The following EYS variants were observed in gnomAD, a reference collection of about 807,000 sequenced individuals.
EYS encodes the protein EGF-like photoreceptor maintenance factor, also known as protein eyes shut homolog.
EYS carries 250 observed loss-of-function variants against 282.1 expected under a neutral mutation model. That is an observed-to-expected ratio of 0.89 (90% CI 0.80 to 0.98). The LOEUF is 0.98. Among genes scored for constraint, EYS ranks in the 50% least tolerant of loss-of-function variants. The pLI, the probability that EYS is intolerant of heterozygous loss-of-function variation, is 0.00. For missense variants in EYS, 4,016 were observed against 3,709.0 expected, an observed-to-expected ratio of 1.08 and a Z score of -2.15; for synonymous variants, 1,355 against 1,282.9, an observed-to-expected ratio of 1.06 and a Z score of -1.20.
chr6:63,840,752 A>G (rs1287529229), intron 36 of EYS, among the ~76,000 whole-genome samples: 1 of 152,088 alleles, frequency 6.6e-6, no homozygotes, highest in Non-Finnish European at 1.5e-5. Flanking sequence ...ATTTTTCTAC[A>G]TAGGGATATC....
At chr6:64,523,163 G>T (rs1777811201) in intron 26 of EYS, among the ~76,000 whole-genome samples, 1 of 151,566 alleles carries the variant, frequency 6.6e-6, no homozygotes, top group Admixed American at 6.6e-5. Context: ...GCTACTCATG[G>T]TTTTAGTCTT....
chr6:65,232,276 A>C (rs1766802301), intron 12 of EYS, among the ~76,000 whole-genome samples: 1 of 152,026 alleles, frequency 6.6e-6, no homozygotes, highest in Admixed American at 6.6e-5. Flanking sequence ...TCCTTACTAC[A>C]TGACTACAGA....
At chr6:64,994,763 T>C (rs971746966) in intron 14 of EYS, among the ~76,000 whole-genome samples, 1 of 152,172 alleles carries the variant, frequency 6.6e-6, no homozygotes, top group African/African-American at 2.4e-5. Flanking sequence ...TTATATGACT[T>C]AGTATCTTTG....
At chr6:65,087,517 A>G in intron 12 of EYS, among the ~76,000 whole-genome samples, 1 of 152,012 alleles carries the variant, frequency 6.6e-6, no homozygotes, top group East Asian at 1.9e-4. Context: ...CCTTCTTCTC[A>G]TTCTTTTCAC....
chr6:64,586,874 T>G (rs1766250611), intron 26 of EYS, among the ~76,000 whole-genome samples: 1 of 152,124 alleles, frequency 6.6e-6, no homozygotes, highest in Admixed American at 6.6e-5. Context: ...TGCTCTTTCT[T>G]ATATCCTTCC....
At chr6:64,880,419 C>T (rs1766877160) in intron 19 of EYS, among the ~76,000 whole-genome samples, 1 of 151,720 alleles carries the variant, frequency 6.6e-6, no homozygotes, top group Non-Finnish European at 1.5e-5. Context: ...TATTCAATTA[C>T]ATAAAAATGT....
Position 64,135,035 on chromosome 6 carries a change from C to T in EYS, c.6425-53033G>A, listed in dbSNP as rs1774113891. ...GACAATATGCGTATCCAGGAGTAGC[C>T]TTTGGAACCGAACCTGTGGTATCTC... On this transcript the variant is annotated intron_variant, in intron 31 of 42. Coordinates refer to ENST00000503581, the MANE Select transcript of EYS (RefSeq NM_001142800.2). Among the ~76,000 whole-genome samples the T allele has an allele frequency of 3.3e-5, 5 of 152,010 alleles. No homozygotes were observed. The South Asian group carries it at 1.0e-3, about 32-fold the overall frequency.
chr6:64,858,554 C>A (rs1766140019), intron 19 of EYS, among the ~76,000 whole-genome samples: 2 of 151,880 alleles, frequency 1.3e-5, no homozygotes, highest in Non-Finnish European at 2.9e-5. Flanking sequence ...TTTGTTATTG[C>A]CACTTAGGAT....
intron 33 of EYS, among the ~76,000 whole-genome samples, chr6:64,004,044 T>C (rs1250327860): frequency 6.6e-6 from 1 of 152,202 alleles, no homozygotes; most frequent in African/African-American, 2.4e-5. Context: ...AATGGACTAA[T>C]ACACAGAACA....
intron 26 of EYS, among the ~76,000 whole-genome samples, chr6:64,540,773 C>G (rs1562049974): frequency 6.6e-6 from 1 of 152,186 alleles, no homozygotes; most frequent in Non-Finnish European, 1.5e-5. Context: ...CATGAGCCAT[C>G]ATGCCCAGCC....
At chr6:64,120,688 G>A (rs908237377) in intron 31 of EYS, among the ~76,000 whole-genome samples, 9 of 152,060 alleles carry the variant, frequency 5.9e-5, no homozygotes, top group African/African-American at 2.2e-4. Flanking sequence ...GTCCAGTTAT[G>A]GGATGGTGCT....
At chr6:64,963,355 A>G (rs1004095088) in intron 14 of EYS, among the ~76,000 whole-genome samples, 2 of 152,136 alleles carry the variant, frequency 1.3e-5, no homozygotes, top group Non-Finnish European at 2.9e-5. Flanking sequence ...AGTGAGCCCT[A>G]TAGTCATTAG....
At chr6:64,688,447 G>C (rs558903710) in intron 22 of EYS, among the ~76,000 whole-genome samples, 253 of 152,222 alleles carry the variant, frequency 1.7e-3, no homozygotes, top group Middle Eastern at 6.8e-3. Flanking sequence ...TGGTTTCAAA[G>C]AACATCTTTA....
intron 1 of EYS, among the ~76,000 whole-genome samples, chr6:65,702,139 C>T (rs1024579183): frequency 2.0e-5 from 3 of 152,122 alleles, no homozygotes; most frequent in South Asian, 4.1e-4. Flanking sequence ...TTATTTCTTC[C>T]GTGTTTTGGA....
chr6:64,454,699 T>C (rs867585587), intron 26 of EYS, among the ~76,000 whole-genome samples: 1 of 152,172 alleles, frequency 6.6e-6, no homozygotes, highest in African/African-American at 2.4e-5. Flanking sequence ...ACTGGATTTT[T>C]GTAGTGCCAA....
intron 1 of EYS, among the ~76,000 whole-genome samples, chr6:65,678,160 C>G (rs765926927): frequency 2.0e-5 from 3 of 151,870 alleles, no homozygotes; most frequent in Non-Finnish European, 4.4e-5. Flanking sequence ...GGGTACCACG[C>G]TCTTTTAAAC....
At chr6:64,851,717 G>A (rs1765890716) in intron 19 of EYS, among the ~76,000 whole-genome samples, 2 of 152,200 alleles carry the variant, frequency 1.3e-5, no homozygotes, top group Middle Eastern at 3.4e-3. Flanking sequence ...AATATTGCAT[G>A]TTCTTACTTG....
At chr6:63,955,360 G>T (rs1469098977) in intron 35 of EYS, among the ~76,000 whole-genome samples, 1 of 152,052 alleles carries the variant, frequency 6.6e-6, no homozygotes, top group Non-Finnish European at 1.5e-5. Flanking sequence ...ACCTCAAACT[G>T]CCACCCATAA....
At chr6:63,973,563 C>A (rs115074632) in intron 35 of EYS, among the ~76,000 whole-genome samples, 3,442 of 152,092 alleles carry the variant, frequency 0.023, 104 homozygotes, top group African/African-American at 0.07. Context: ...TCCATTTTAT[C>A]ATTTTTGAAA....
Sources: gnomAD v4.1 joint callset for allele counts (sites outside exome capture counted in the v4.1 genomes callset) on GRCh38, gnomAD v4.1.1 for gene constraint, MANE v1.5 for transcripts, NCBI Gene and HGNC (gene_info 2026-07-23, HGNC 2026-07-21) for gene names.